The following PITPNB variants were observed in gnomAD, a reference collection of about 807,000 sequenced individuals.
The protein encoded by PITPNB is phosphatidylinositol transfer protein beta.
A neutral mutation model predicts 45.9 loss-of-function variants in PITPNB; 16 were observed. The ratio of observed to expected loss-of-function variants is 0.35; its 90% CI spans 0.24 to 0.53. PITPNB has a LOEUF of 0.53. Among genes scored for constraint, PITPNB ranks in the 20% least tolerant of loss-of-function variants. PITPNB has a pLI of 0.93. For missense variants in PITPNB, 188 were observed against 330.5 expected (o/e 0.57, Z 3.34); for synonymous variants, 112 against 108.9 (o/e 1.03, Z -0.18).
chr22:27,918,104 G>A (rs1011025961), intron 1 of PITPNB, among the ~76,000 whole-genome samples: 1 of 152,056 alleles, frequency 6.6e-6, no homozygotes, highest in Non-Finnish European at 1.5e-5. Flanking sequence ...TGAGATCAGG[G>A]CAGGAAAAAA....
At chr22:27,864,028 G>A (rs1308113171) in intron 8 of PITPNB, among the ~76,000 whole-genome samples, 3 of 152,052 alleles carry the variant, frequency 2.0e-5, no homozygotes, top group South Asian at 2.1e-4. Context: ...CAATTTACAA[G>A]TAATTATTTT....
intron 7 of PITPNB, among the ~76,000 whole-genome samples, chr22:27,883,800 A>C (rs1280951601): frequency 6.6e-6 from 1 of 152,214 alleles, no homozygotes; most frequent in Non-Finnish European, 1.5e-5. Context: ...CCACAACTGG[A>C]AGTCATGCAT....
chr22:27,870,754 A>T (rs1329897372), intron 8 of PITPNB, among the ~76,000 whole-genome samples: 1 of 152,220 alleles, frequency 6.6e-6, no homozygotes, highest in Non-Finnish European at 1.5e-5. Context: ...TACAGAAGAC[A>T]CTGGTAAGAT....
chr22:27,919,019 G>T, intron 1 of PITPNB, 153 bp downstream of exon 1: 1 of 1,095,018 alleles, frequency 9.1e-7, no homozygotes, highest in South Asian at 1.2e-5. Flanking sequence ...CTCGCTGAGG[G>T]GCTTCGAAGG....
intron 8 of PITPNB, among the ~76,000 whole-genome samples, chr22:27,861,486 T>TCA (rs1445268842): frequency 6.6e-6 from 1 of 152,102 alleles, no homozygotes; most frequent in Non-Finnish European, 1.5e-5. Context: ...GCAGCATACA[T>TCA]CAGTGACTTA....
intron 8 of PITPNB, among the ~76,000 whole-genome samples, chr22:27,869,027 A>C (rs1226407915): frequency 1.3e-5 from 2 of 152,080 alleles, no homozygotes; most frequent in African/African-American, 4.8e-5. Context: ...ACAATTCCTC[A>C]CCCAAATCAG....
intron 7 of PITPNB, among the ~76,000 whole-genome samples, chr22:27,885,492 A>G (rs1418314382): frequency 6.6e-6 from 1 of 152,180 alleles, no homozygotes; most frequent in East Asian, 1.9e-4. Context: ...CCAAAAAGGT[A>G]TTTGCTCATT....
chr22:27,900,178 T>A (rs1489398136), intron 3 of PITPNB, among the ~76,000 whole-genome samples: 1 of 148,570 alleles, frequency 6.7e-6, no homozygotes, highest in Non-Finnish European at 1.5e-5. Context: ...CCAGCATGGG[T>A]GACATAGCAA....
intron 2 of PITPNB, 58 bp from the exon 3 acceptor site, chr22:27,911,167 T>C: frequency 3.2e-6 from 4 of 1,250,282 alleles, no homozygotes; most frequent in South Asian, 1.2e-5. Flanking sequence ...AGAAATTTAG[T>C]ATGCTAAAAT....
chr22:27,897,720 C>A (rs1601416141), intron 4 of PITPNB, 81 bp downstream of exon 4: 5 of 930,622 alleles, frequency 5.4e-6, no homozygotes, highest in Non-Finnish European at 8.9e-6. Context: ...TCAGTGTAAA[C>A]CTTCTCAAAG....
At chr22:27,883,849 C>A (rs774747401) in intron 7 of PITPNB, among the ~76,000 whole-genome samples, 14 of 152,116 alleles carry the variant, frequency 9.2e-5, no homozygotes, top group Non-Finnish European at 1.8e-4. Flanking sequence ...CCAAAGGAGA[C>A]CAAACTGGGG....
chr22:27,878,814 A>C (rs1485042791), intron 7 of PITPNB, among the ~76,000 whole-genome samples: 2 of 152,246 alleles, frequency 1.3e-5, no homozygotes, highest in African/African-American at 4.8e-5. Flanking sequence ...TCATTAAAGC[A>C]GATTCCCAAA....
chr22:27,854,829 T>C, intron 11 of PITPNB, 25 bp downstream of exon 11: 1 of 1,485,366 alleles, frequency 6.7e-7, no homozygotes. Flanking sequence ...TTTCGAAACA[T>C]CTTTTTACCC....
chr22:27,897,169 GGA>G, intron 4 of PITPNB, 32 bp from the exon 5 acceptor site: 1 of 1,516,426 alleles, frequency 6.6e-7, no homozygotes, highest in Non-Finnish European at 9.2e-7. Flanking sequence ...GGTAATGAAA[GGA>G]GAAAAATTTC....
rs758264266 is a variant in PITPNB at position 27,852,462 on chromosome 22, T to C, written c.*1240A>G. On this transcript the variant is annotated 3_prime_UTR_variant, in exon 12 of 12. Transcript: ENST00000335272. ...CAGCCGTTTCTGACCAGCACTCTCA[T>C]GATGCCTATTCAGAATCTGTCCTGA... is the stretch of plus-strand genomic sequence containing the variant. The C allele has an allele frequency of 1.3e-5, 2 of 152,238 alleles. No homozygotes were observed. Among genetic ancestry groups the C allele is most frequent in the African/African-American group, 2.4e-5 (1 of 41,460 alleles). 9.4% of individuals were successfully genotyped at this position (152,238 alleles called of 1,614,324 possible). A position where few individuals can be genotyped will look rare whatever the true frequency, so the allele number is the denominator to read the frequency against.
chr22:27,909,207 C>A (rs1270653271), intron 3 of PITPNB, among the ~76,000 whole-genome samples: 3 of 82,244 alleles, frequency 3.6e-5, no homozygotes, highest in Non-Finnish European at 6.7e-5. Flanking sequence ...ACTGGTAGTA[C>A]TTTTTTTTTT....
At chr22:27,864,378 G>T (rs1042579491) in intron 8 of PITPNB, among the ~76,000 whole-genome samples, 1 of 152,160 alleles carries the variant, frequency 6.6e-6, no homozygotes, top group Non-Finnish European at 1.5e-5. Flanking sequence ...AATCCTTTTG[G>T]TATCTTCTCT....
chr22:27,876,026 C>T (rs751648556), intron 7 of PITPNB, among the ~76,000 whole-genome samples: 7 of 152,112 alleles, frequency 4.6e-5, no homozygotes, highest in Non-Finnish European at 1.0e-4. Context: ...TATGGATTCA[C>T]AGAATCATAG....
Position 27,897,817 on chromosome 22 carries a change from G to A in PITPNB, c.273C>T (p.Tyr91=), listed in dbSNP as rs1569027152. 1 of 1,611,966 alleles carries A rather than the reference G, an allele frequency of 6.2e-7. No homozygotes were observed. The highest frequency in any genetic ancestry group is 8.5e-7 in the Non-Finnish European group (1 of 1,177,994). ...LVFHEKAWNA[Y]PYCRTIVTNE... is the part of the protein sequence containing the mutation. ...CAAGCTTACTTGTTCTACAGTAGGG[G>A]TACGCATTCCAGGCTTTCTCATGAA... Residue 91 remains tyrosine, a synonymous_variant, in exon 4 of 12, where the codon TAC becomes TAT. Transcript: ENST00000335272.
Sources: allele counts gnomAD v4.1 joint callset (sites outside exome capture counted in the v4.1 genomes callset), GRCh38; gene constraint gnomAD v4.1.1; transcripts MANE v1.5; gene names NCBI Gene and HGNC (gene_info 2026-07-23, HGNC 2026-07-21).